The following CMIP variants were observed in gnomAD, a reference collection of about 807,000 sequenced individuals.
The protein encoded by CMIP is C-Maf-inducing protein.
A neutral mutation model predicts 97.3 loss-of-function variants in CMIP; 13 were observed. That is an observed-to-expected ratio of 0.13 (90% CI 0.09 to 0.21). The LOEUF (loss-of-function observed/expected upper bound fraction) is 0.21, where lower values mean the gene tolerates loss of function less well. Among genes scored for constraint, CMIP ranks in the 10% least tolerant of loss-of-function variants. The probability of loss-of-function intolerance (pLI) is 1.00; values close to 1 mark genes in which losing one functional copy is unlikely to be tolerated. For missense variants in CMIP, 847 were observed against 1,024.9 expected (o/e 0.83, Z 2.37); for synonymous variants, 538 against 436.3 (o/e 1.23, Z -2.91).
chr16:81,645,287 G>T, intron 3 of CMIP: 1 of 1,012,872 alleles, frequency 9.9e-7, no homozygotes, highest in Non-Finnish European at 1.3e-6. Flanking sequence ...CCTCCACTCT[G>T]CAGTGCCATG....
chr16:81,561,675 T>C (rs1250045936), intron 1 of CMIP, among the ~76,000 whole-genome samples: 1 of 152,136 alleles, frequency 6.6e-6, no homozygotes, highest in Non-Finnish European at 1.5e-5. Context: ...AGAGGGAGGA[T>C]AAAATCTGAC....
chr16:81,625,618 C>T (rs1485102476), intron 3 of CMIP, among the ~76,000 whole-genome samples: 2 of 152,230 alleles, frequency 1.3e-5, no homozygotes, highest in Non-Finnish European at 2.9e-5. Flanking sequence ...TTTCTGTGTC[C>T]AGGGTTTCAA....
At chr16:81,593,031 A>G (rs1015405530) in intron 1 of CMIP, among the ~76,000 whole-genome samples, 5 of 152,212 alleles carry the variant, frequency 3.3e-5, no homozygotes, top group African/African-American at 1.2e-4. Flanking sequence ...GCCCACGAAG[A>G]TGACTGGGGC....
chr16:81,704,285 C>G (rs1369314245), intron 18 of CMIP, among the ~76,000 whole-genome samples, 200 bp downstream of exon 18: 16 of 73,176 alleles, frequency 2.2e-4, no homozygotes, highest in South Asian at 6.8e-4. Flanking sequence ...TCCCCTCACC[C>G]TCCTCCCTGC....
intron 1 of CMIP, among the ~76,000 whole-genome samples, chr16:81,571,621 GAAAAGAAAAAAAAGGCCTT>G (rs2091090981): frequency 2.1e-5 from 3 of 142,130 alleles, no homozygotes; most frequent in Admixed American, 7.0e-5. Context: ...ATTAAGAAAA[GAAAAGAAAAAAAAGGCCTT>G]CCAAAGAGTT....
intron 1 of CMIP, among the ~76,000 whole-genome samples, chr16:81,574,433 C>T (rs976076623): frequency 1.3e-5 from 2 of 152,242 alleles, no homozygotes; most frequent in African/African-American, 2.4e-5. Context: ...TCAGCAGGAC[C>T]GGGCGAAGCC....
chr16:81,626,740 A>AGTGGGT (rs1158040401), intron 3 of CMIP, among the ~76,000 whole-genome samples: 1 of 116,432 alleles, frequency 8.6e-6, no homozygotes, highest in African/African-American at 3.4e-5. Flanking sequence ...ATTTTATGAC[A>AGTGGGT]GTGGGTGTGG....
rs370002389 is a variant in CMIP at position 81,483,213 on chromosome 16, G to C, written c.300+37672G>C. Among the ~76,000 whole-genome samples, 77 of 152,326 alleles carry C rather than the reference G, an allele frequency of 5.1e-4. 1 individual carries two copies. Among genetic ancestry groups the C allele is most frequent in the African/African-American group, 1.8e-3 (75 of 41,560 alleles). On this transcript the variant is annotated intron_variant, in intron 1 of 20. Transcript: ENST00000537098. ...TGAGAGGTGACACTTGAGCAGGTTT[G>C]GAAAAGGTAAGGGAGGAAGCTGTGC... is the stretch of plus-strand genomic sequence containing the variant.
At chr16:81,572,150 A>G (rs1009712864) in intron 1 of CMIP, among the ~76,000 whole-genome samples, 8 of 152,210 alleles carry the variant, frequency 5.3e-5, no homozygotes, top group African/African-American at 1.9e-4. Flanking sequence ...CCAAGGCTTC[A>G]GAGACCTTCA....
chr16:81,705,405 C>T (rs1402792903), intron 18 of CMIP, 94 bp from the exon 19 acceptor site: 2 of 903,530 alleles, frequency 2.2e-6, no homozygotes, highest in Non-Finnish European at 3.4e-6. Context: ...GAGCCAGGCT[C>T]TGTCCCCATC....
Position 81,548,701 on chromosome 16 carries a change from C to G in CMIP, c.301-58866C>G, listed in dbSNP as rs184692964. Among the ~76,000 whole-genome samples, 263 of 151,562 alleles carry G rather than the reference C, an allele frequency of 1.7e-3. 1 individual carries two copies. Among genetic ancestry groups the G allele is most frequent in the African/African-American group, 6.1e-3 (253 of 41,350 alleles). On this transcript the variant is annotated intron_variant, in intron 1 of 20. Coordinates refer to ENST00000537098, the MANE Select transcript of CMIP (RefSeq NM_198390.3). ...ACAAAAAAAAAAAGAAAAAAAAAAG[C>G]CAGGCATGGTGGTGTGTGCCTGTAG... is the stretch of plus-strand genomic sequence containing the variant.
At chr16:81,500,411 C>G (rs1323168004) in intron 1 of CMIP, among the ~76,000 whole-genome samples, 1 of 128,346 alleles carries the variant, frequency 7.8e-6, no homozygotes, top group East Asian at 2.4e-4. Context: ...CCTTCTCTCC[C>G]TCCTCCCTCC....
Position 81,710,322 on chromosome 16 carries a change from A to C in CMIP, c.*523A>C, listed in dbSNP as rs1307355548. On this transcript the variant is annotated 3_prime_UTR_variant, in exon 21 of 21. Transcript: ENST00000537098. ...CTATGCAAAGTGATTCTTGTTGTACATAAGATTTAAATAATGCACCTATTT... is the reference window on the plus strand; with the variant it reads ...CTATGCAAAGTGATTCTTGTTGTACCTAAGATTTAAATAATGCACCTATTT... 2 of 162,386 alleles carry C rather than the reference A, an allele frequency of 1.2e-5. No homozygotes were observed. Among genetic ancestry groups the C allele is most frequent in the African/African-American group, 4.8e-5 (2 of 41,612 alleles). 10.1% of individuals were successfully genotyped at this position (162,386 alleles called of 1,614,324 possible). A position where few individuals can be genotyped will look rare whatever the true frequency, so the allele number is the denominator to read the frequency against.
intron 19 of CMIP, among the ~76,000 whole-genome samples, 153 bp downstream of exon 19, chr16:81,705,757 C>T (rs1184651699): frequency 6.6e-6 from 1 of 152,240 alleles, no homozygotes; most frequent in African/African-American, 2.4e-5. Context: ...TGCTGTGGAC[C>T]AGGCACCATT....
At chr16:81,540,266 T>A (rs1293087188) in intron 1 of CMIP, among the ~76,000 whole-genome samples, 3 of 152,196 alleles carry the variant, frequency 2.0e-5, no homozygotes, top group Non-Finnish European at 4.4e-5. Context: ...TAGTCTTGCC[T>A]GTTGGAGAGC....
At chr16:81,458,463 A>G (rs1906697341) in intron 1 of CMIP, among the ~76,000 whole-genome samples, 1 of 152,122 alleles carries the variant, frequency 6.6e-6, no homozygotes, top group South Asian at 2.1e-4. Flanking sequence ...GCATGACTAG[A>G]GGAGGGGATC....
At chr16:81,496,434 C>T (rs2089492841) in intron 1 of CMIP, among the ~76,000 whole-genome samples, 1 of 152,046 alleles carries the variant, frequency 6.6e-6, no homozygotes, top group African/African-American at 2.4e-5. Context: ...TGCTTCTCAA[C>T]CCTGACAAGT....
At chr16:81,668,997 C>T (rs1385343917) in intron 7 of CMIP, among the ~76,000 whole-genome samples, 1 of 143,526 alleles carries the variant, frequency 7.0e-6, no homozygotes, top group East Asian at 2.2e-4. Context: ...TCACACTCTC[C>T]TCCTTCCACA....
chr16:81,673,670 A>G (rs2092703273), intron 9 of CMIP, among the ~76,000 whole-genome samples: 1 of 152,200 alleles, frequency 6.6e-6, no homozygotes, highest in South Asian at 2.1e-4. Flanking sequence ...GTGCTGGGAT[A>G]GTCACTCACC....
Sources: allele counts gnomAD v4.1 joint callset (sites outside exome capture counted in the v4.1 genomes callset), GRCh38; gene constraint gnomAD v4.1.1; transcripts MANE v1.5; gene names NCBI Gene and HGNC (gene_info 2026-07-23, HGNC 2026-07-21).